Variants in LARGE1 observed in about 807,000 individuals in gnomAD.
LARGE1 encodes the protein LARGE xylosyl- and glucuronyltransferase 1.
In LARGE1, 43 loss-of-function variants were observed where a neutral mutation model predicts 87.6. The ratio of observed to expected loss-of-function variants is 0.49; its 90% CI spans 0.38 to 0.63. LARGE1 has a LOEUF of 0.63. Ranked by LOEUF, LARGE1 falls within the 30% of genes least tolerant of loss-of-function variation. The pLI is 0.00. For missense variants in LARGE1, 802 were observed against 1,000.2 expected (o/e 0.80, Z 2.67); for synonymous variants, 434 against 394.6 (o/e 1.10, Z -1.18).
chr22:33,335,903 T>G (rs1289231842), intron 10 of LARGE1, among the ~76,000 whole-genome samples: 1 of 152,224 alleles, frequency 6.6e-6, no homozygotes, highest in Admixed American at 6.5e-5. Context: ...TGGCTGATCA[T>G]TGTTTTCTGC....
chr22:33,227,555 G>A (rs968702005), intron 11 of LARGE1, among the ~76,000 whole-genome samples: 5 of 152,100 alleles, frequency 3.3e-5, no homozygotes, highest in African/African-American at 1.2e-4. Context: ...AGGAAGCAGT[G>A]AAGCTTAGAT....
intron 12 of LARGE1, among the ~76,000 whole-genome samples, chr22:33,300,158 G>C (rs183005311): frequency 5.3e-5 from 8 of 152,298 alleles, no homozygotes; most frequent in Admixed American, 2.0e-4. Context: ...TGGCCCCTTC[G>C]ACAGAGTGAG....
At chr22:33,095,756 CAG>C in the LARGE1 span, among the ~76,000 whole-genome samples, 1 of 152,172 alleles carries the variant, frequency 6.6e-6, no homozygotes, top group Non-Finnish European at 1.5e-5. Flanking sequence ...ACGGAGGTCA[CAG>C]AGAATAAGAT....
chr22:33,609,724 C>T (rs1045708532), intron 4 of LARGE1, among the ~76,000 whole-genome samples: 1 of 151,952 alleles, frequency 6.6e-6, no homozygotes, highest in African/African-American at 2.4e-5. Context: ...TATGTTGAAA[C>T]GTAATCCCCA....
Position 33,387,321 on chromosome 22 carries a change from T to A in LARGE1, c.893-3017A>T, listed in dbSNP as rs983823333. ...GCACGCCTGTAGTCCCAGCTACTCCTGAGGCTGAGGCACAAGAATAGCTTG... is the reference window on the plus strand; with the variant it reads ...GCACGCCTGTAGTCCCAGCTACTCCAGAGGCTGAGGCACAAGAATAGCTTG... On this transcript the variant is annotated intron_variant, in intron 7 of 14. Transcript: ENST00000397394. Among the ~76,000 whole-genome samples the A allele has an allele frequency of 2.7e-5, 4 of 146,934 alleles. No individual in the cohort carries two copies. The Admixed American group carries it at 2.7e-4, about 10-fold the overall frequency.
At position 33,483,632 on chromosome 22, in the gene LARGE1, G is replaced by A. The variant is rs543178185; in HGVS notation, c.788-51367C>T. On this transcript the variant is annotated intron_variant, in intron 6 of 14. Coordinates refer to ENST00000397394, the MANE Select transcript of LARGE1 (RefSeq NM_133642.5). ...CAAGGGGAACGAAATAGGAGGGGTCGGGCTGCATTAATGAATGCTAGTAAT... is the reference window on the plus strand; with the variant it reads ...CAAGGGGAACGAAATAGGAGGGGTCAGGCTGCATTAATGAATGCTAGTAAT... Among the ~76,000 whole-genome samples, 9 of 142,890 alleles carry A rather than the reference G, an allele frequency of 6.3e-5. No homozygotes were observed. The Middle Eastern group carries it at 0.01, about 162-fold the overall frequency. 93.7% of individuals were successfully genotyped at this position (142,890 alleles called of 152,430 possible).
intron 1 of LARGE1, among the ~76,000 whole-genome samples, chr22:33,867,685 G>T (rs1357474223): frequency 6.6e-6 from 1 of 152,174 alleles, no homozygotes; most frequent in African/African-American, 2.4e-5. Flanking sequence ...GATCTACTTC[G>T]CACCAGCAGG....
At chr22:33,440,608 T>C (rs889519488) in intron 6 of LARGE1, among the ~76,000 whole-genome samples, 1 of 152,222 alleles carries the variant, frequency 6.6e-6, no homozygotes, top group Non-Finnish European at 1.5e-5. Flanking sequence ...AATGTGTGTC[T>C]GAGTGCAGGA....
chr22:33,075,608 C>T, the LARGE1 span, among the ~76,000 whole-genome samples: 21 of 152,166 alleles, frequency 1.4e-4, 1 homozygote, highest in South Asian at 4.2e-3. Flanking sequence ...GGTGGTAGAA[C>T]CTGAATAATT....
At chr22:33,898,407 A>C (rs191743584) in intron 1 of LARGE1, among the ~76,000 whole-genome samples, 176 of 152,310 alleles carry the variant, frequency 1.2e-3, no homozygotes, top group South Asian at 2.7e-3. Context: ...ACTTTACACC[A>C]CGTAACCCTA....
chr22:33,401,927 C>A (rs747841099), intron 7 of LARGE1, among the ~76,000 whole-genome samples: 9 of 152,208 alleles, frequency 5.9e-5, no homozygotes, highest in Non-Finnish European at 1.0e-4. Flanking sequence ...TGGCTAGTCC[C>A]TGGGTGCCCC....
chr22:33,504,191 G>A (rs1245030989), intron 6 of LARGE1, among the ~76,000 whole-genome samples: 2 of 152,178 alleles, frequency 1.3e-5, no homozygotes, highest in Non-Finnish European at 2.9e-5. Flanking sequence ...CTTTAAAGTT[G>A]GATTGTGGTG....
At chr22:33,694,378 A>G (rs1485867387) in intron 2 of LARGE1, among the ~76,000 whole-genome samples, 1 of 152,230 alleles carries the variant, frequency 6.6e-6, no homozygotes, top group Non-Finnish European at 1.5e-5. Flanking sequence ...TCCCTGTCAC[A>G]GTGTCACACC....
intron 5 of LARGE1, chr22:33,572,322 T>C: frequency 2.0e-6 from 1 of 510,094 alleles, no homozygotes. Context: ...GAAACAGAAG[T>C]GGGGCGGGGC....
chr22:33,385,841 C>A (rs567390831), intron 7 of LARGE1, among the ~76,000 whole-genome samples: 1 of 148,506 alleles, frequency 6.7e-6, no homozygotes, highest in South Asian at 2.4e-4. Flanking sequence ...GGGGAAGACT[C>A]AAGGCAGTTG....
intron 10 of LARGE1, 94 bp downstream of exon 10, chr22:33,337,552 C>T (rs1186886505): frequency 1.4e-6 from 2 of 1,481,182 alleles, no homozygotes; most frequent in African/African-American, 2.8e-5. Flanking sequence ...CTAGGTCCTG[C>T]CATGAGCCTG....
intron 7 of LARGE1, 80 bp from the exon 8 acceptor site, chr22:33,384,384 C>T (rs902685018): frequency 1.0e-6 from 1 of 992,312 alleles, no homozygotes; most frequent in Non-Finnish European, 1.6e-6. Context: ...CACATCACAG[C>T]CACAGTCTCT....
intron 4 of LARGE1, among the ~76,000 whole-genome samples, chr22:33,604,836 T>C (rs994202222): frequency 6.6e-6 from 1 of 152,112 alleles, no homozygotes; most frequent in Non-Finnish European, 1.5e-5. Context: ...ATACCTGTTA[T>C]TAGGATTCAT....
At chr22:33,804,011 T>C (rs2086239288) in intron 1 of LARGE1, among the ~76,000 whole-genome samples, 1 of 152,152 alleles carries the variant, frequency 6.6e-6, no homozygotes, top group Non-Finnish European at 1.5e-5. Flanking sequence ...GCAGTCAGGA[T>C]TGTTATGTTA....
Sources: gnomAD v4.1 joint callset for allele counts (sites outside exome capture counted in the v4.1 genomes callset) on GRCh38, gnomAD v4.1.1 for gene constraint, MANE v1.5 for transcripts, NCBI Gene and HGNC (gene_info 2026-07-23, HGNC 2026-07-21) for gene names.